ADAM10: variants seen among roughly 807,000 people sequenced by gnomAD.
The protein encoded by ADAM10 is ADAM metallopeptidase domain 10.
ADAM10 carries 17 observed loss-of-function variants against 90.1 expected under a neutral mutation model. The observed-to-expected ratio is 0.19, with a 90% confidence interval of 0.13 to 0.28. ADAM10 has a LOEUF of 0.28. ADAM10 is among the 10% of genes least tolerant of loss of function. The pLI, the probability that ADAM10 is intolerant of heterozygous loss-of-function variation, is 1.00. For missense variants in ADAM10, 610 were observed against 914.3 expected (o/e 0.67, Z 4.29); for synonymous variants, 310 against 298.6 (o/e 1.04, Z -0.40).
chr15:58,670,476 G>A (rs1357652946), intron 4 of ADAM10, among the ~76,000 whole-genome samples: 1 of 152,034 alleles, frequency 6.6e-6, no homozygotes, highest in Non-Finnish European at 1.5e-5. Context: ...CAGTAAAAAA[G>A]AGGAAACAAT....
chr15:58,614,648 C>T (rs531819210), intron 11 of ADAM10, among the ~76,000 whole-genome samples: 1 of 152,206 alleles, frequency 6.6e-6, no homozygotes, highest in African/African-American at 2.4e-5. Flanking sequence ...GCAAAACTAA[C>T]CTTCAGAAAT....
chr15:58,645,931 C>A (rs1896534950), intron 6 of ADAM10, 124 bp downstream of exon 6: 1 of 1,009,664 alleles, frequency 9.9e-7, no homozygotes. Context: ...CATTTTATCA[C>A]ATCACAACTG....
At chr15:58,711,369 T>C (rs1010216964) in intron 2 of ADAM10, among the ~76,000 whole-genome samples, 2 of 152,218 alleles carry the variant, frequency 1.3e-5, no homozygotes, top group Non-Finnish European at 2.9e-5. Flanking sequence ...TTTGTAGAAT[T>C]TTAAAGCATA....
At chr15:58,658,230 T>C (rs951547994) in intron 5 of ADAM10, among the ~76,000 whole-genome samples, 12 of 152,154 alleles carry the variant, frequency 7.9e-5, no homozygotes, top group African/African-American at 2.9e-4. Context: ...TTTTTTTTCA[T>C]ATGGATATCC....
At position 58,679,375 on chromosome 15, in the gene ADAM10, C is replaced by T. The variant is rs185961013; in HGVS notation, c.326-93G>A. 345 of 1,081,648 alleles carry T rather than the reference C, an allele frequency of 3.2e-4. No individual in the cohort carries two copies. The African/African-American group carries it at 4.8e-3, about 15-fold the overall frequency. 67.0% of individuals were successfully genotyped at this position (1,081,648 alleles called of 1,614,324 possible). ...ATGTATATATGTGTGTATATATATACACACATGCATACATATATACACATA... is the reference window on the plus strand; with the variant it reads ...ATGTATATATGTGTGTATATATATATACACATGCATACATATATACACATA... On this transcript the variant is annotated intron_variant, in intron 3 of 15. Coordinates refer to ENST00000260408, the MANE Select transcript of ADAM10 (RefSeq NM_001110.4).
intron 9 of ADAM10, among the ~76,000 whole-genome samples, chr15:58,630,974 T>G (rs1338570642): frequency 4.6e-5 from 7 of 152,020 alleles, no homozygotes; most frequent in African/African-American, 1.7e-4. Context: ...GGGTTGGAGG[T>G]GGGTGGGTGA....
intron 11 of ADAM10, among the ~76,000 whole-genome samples, chr15:58,617,665 T>TA (rs1162422274): frequency 6.6e-6 from 1 of 152,056 alleles, no homozygotes; most frequent in Non-Finnish European, 1.5e-5. Context: ...AGACAACCCT[T>TA]AAAGCTCCAC....
chr15:58,742,887 A>C (rs1899660899), intron 1 of ADAM10, among the ~76,000 whole-genome samples: 1 of 152,064 alleles, frequency 6.6e-6, no homozygotes, highest in African/African-American at 2.4e-5. Flanking sequence ...GTGAGACCTC[A>C]TCTCTACAAA....
chr15:58,636,808 G>A (rs1186919031), intron 8 of ADAM10, among the ~76,000 whole-genome samples: 1 of 152,086 alleles, frequency 6.6e-6, no homozygotes, highest in Non-Finnish European at 1.5e-5. Context: ...TTGATGTGAG[G>A]AGGCCAAAAA....
rs766149223 is a variant in ADAM10, at chr15:58,593,149, A to ATTTTTT, written c.*4392_*4397dup. The ATTTTTT allele has an allele frequency of 1.1e-3, 77 of 68,462 alleles. 9 individuals are homozygous for ATTTTTT. The highest frequency in any genetic ancestry group is 1.9e-3 in the Non-Finnish European group (68 of 36,230). The allele number at this position is 68,462 out of a possible 1,614,324, so 4.2% of individuals were successfully genotyped here. On this transcript the variant is annotated 3_prime_UTR_variant, in exon 16 of 16. Transcript: ENST00000260408. Reference sequence around the variant, plus strand: ...AAAGTAACAAAGGCCAGGTACTCAAATTTTTTTTTTTTTTTTTTTTTTTTT... The same window carrying ATTTTTT: ...AAAGTAACAAAGGCCAGGTACTCAAATTTTTTTTTTTTTTTTTTTTTTTTTTTTTTT...
At chr15:58,700,859 TAAA>T (rs1433543051) in intron 2 of ADAM10, among the ~76,000 whole-genome samples, 1 of 150,246 alleles carries the variant, frequency 6.7e-6, no homozygotes, top group Non-Finnish European at 1.5e-5. Context: ...TAAAAAAATG[TAAA>T]AAAAACAGCC....
chr15:58,647,428 T>C (rs1896581161), intron 5 of ADAM10, among the ~76,000 whole-genome samples: 2 of 151,456 alleles, frequency 1.3e-5, no homozygotes, highest in Non-Finnish European at 2.9e-5. Context: ...ACCTGGCTAA[T>C]TTTGTTTCTG....
intron 11 of ADAM10, among the ~76,000 whole-genome samples, chr15:58,618,787 C>T (rs140350185): frequency 0.016 from 2,472 of 151,970 alleles, 26 homozygotes; most frequent in Non-Finnish European, 0.024. Flanking sequence ...CAGGGAAACA[C>T]AAATCAAAGC....
chr15:58,613,148 C>A (rs1357438633), intron 11 of ADAM10, among the ~76,000 whole-genome samples: 9 of 152,210 alleles, frequency 5.9e-5, no homozygotes, highest in African/African-American at 2.2e-4. Flanking sequence ...TTACCACAAA[C>A]TTCTACAGCA....
chr15:58,640,896 T>C lies in ADAM10; in HGVS notation c.893A>G (p.Glu298Gly). 1 of 1,614,162 alleles carries C rather than the reference T, an allele frequency of 6.2e-7. No homozygotes were observed. Among genetic ancestry groups the C allele is most frequent in the Non-Finnish European group, 8.5e-7 (1 of 1,180,000 alleles). ...CTCAGAATTCAATTCCAGAAACTTC[T>C]CCACACCAATATTTGGGAAACGGAA... Reference protein sequence around the residue: ...NPFRFPNIGVEKFLELNSEQN... With the variant: ...NPFRFPNIGVGKFLELNSEQN... The change falls in exon 8 of 16, where the codon GAG (glutamate) becomes GGG (glycine). Residue 298 changes from glutamate to glycine, a missense_variant. Physicochemically the swap from Glu to Gly is moderately conservative, Grantham distance 98 (BLOSUM62 -2). Coordinates refer to ENST00000260408, the MANE Select transcript of ADAM10 (RefSeq NM_001110.4).
chr15:58,691,259 A>T, intron 2 of ADAM10: 1 of 1,078,688 alleles, frequency 9.3e-7, no homozygotes, highest in Non-Finnish European at 1.4e-6. Flanking sequence ...TCTCCTCCTC[A>T]TCCTCAGGTA....
intron 1 of ADAM10, among the ~76,000 whole-genome samples, chr15:58,740,947 AG>A (rs1899593237): frequency 6.6e-6 from 1 of 152,236 alleles, no homozygotes; most frequent in Non-Finnish European, 1.5e-5. Flanking sequence ...AAATGAAAGC[AG>A]GTCTGGAAAC....
chr15:58,722,566 T>A (rs1306702554), intron 1 of ADAM10, among the ~76,000 whole-genome samples: 2 of 148,628 alleles, frequency 1.3e-5, no homozygotes. Context: ...TGAAATCAAA[T>A]AAAAAAAGAT....
intron 7 of ADAM10, 36 bp from the exon 8 acceptor site, chr15:58,640,996 T>C (rs1280343175): frequency 1.9e-6 from 3 of 1,576,928 alleles, no homozygotes; most frequent in Non-Finnish European, 2.6e-6. Flanking sequence ...AAGTAATTAA[T>C]GTTAGCAGAG....
Sources: allele counts gnomAD v4.1 joint callset (sites outside exome capture counted in the v4.1 genomes callset), GRCh38; gene constraint gnomAD v4.1.1; transcripts MANE v1.5; gene names NCBI Gene and HGNC (gene_info 2026-07-23, HGNC 2026-07-21).